The following SYN3 variants were observed in gnomAD, a reference collection of about 807,000 sequenced individuals.
The protein encoded by SYN3 is synapsin-3.
A neutral mutation model predicts 65.8 loss-of-function variants in SYN3; 35 were observed. That is an observed-to-expected ratio of 0.53 (90% confidence interval 0.41 to 0.70). The LOEUF (loss-of-function observed/expected upper bound fraction) is 0.70, where lower values mean the gene tolerates loss of function less well. Among genes scored for constraint, SYN3 ranks in the 30% least tolerant of loss-of-function variants. The pLI is 0.00. For synonymous variants in SYN3, 270 were observed against 292.9 expected (o/e 0.92, Z 0.80); for missense variants, 680 against 749.0 (o/e 0.91, Z 1.08).
At chr22:32,667,387 A>G (rs1269707351) in intron 6 of SYN3, among the ~76,000 whole-genome samples, 2 of 151,930 alleles carry the variant, frequency 1.3e-5, no homozygotes, top group Non-Finnish European at 2.9e-5. Context: ...TTTGACACTT[A>G]GTTTTTTTCA....
intron 4 of SYN3, among the ~76,000 whole-genome samples, chr22:32,890,458 G>T (rs952502879): frequency 4.0e-5 from 6 of 151,340 alleles, no homozygotes; most frequent in Non-Finnish European, 7.4e-5. Context: ...TTGGCTCATT[G>T]CAAGCTCCGC....
intron 6 of SYN3, among the ~76,000 whole-genome samples, chr22:32,604,715 T>C (rs1229869829): frequency 2.0e-5 from 3 of 152,168 alleles, no homozygotes; most frequent in African/African-American, 4.8e-5. Flanking sequence ...TTTAGAATTA[T>C]ACATTCATGA....
intron 9 of SYN3, among the ~76,000 whole-genome samples, chr22:32,537,460 G>A (rs112849823): frequency 0.051 from 7,807 of 152,176 alleles, 274 homozygotes; most frequent in East Asian, 0.11. Context: ...CACCCGGCCG[G>A]CACTTCCTTA....
chr22:33,034,170 A>G (rs1411826395), intron 1 of SYN3, among the ~76,000 whole-genome samples: 2 of 146,618 alleles, frequency 1.4e-5, no homozygotes, highest in African/African-American at 5.0e-5. Flanking sequence ...TAGGTGACAG[A>G]GCAAGACTCT....
chr22:32,742,986 AAAGT>A (rs576734150), intron 6 of SYN3, among the ~76,000 whole-genome samples: 2 of 152,222 alleles, frequency 1.3e-5, no homozygotes, highest in African/African-American at 4.8e-5. Context: ...GAAATCAGAG[AAAGT>A]AAGTAACTTA....
At chr22:32,834,993 C>T (rs2047687512) in intron 6 of SYN3, among the ~76,000 whole-genome samples, 1 of 152,242 alleles carries the variant, frequency 6.6e-6, no homozygotes, top group South Asian at 2.1e-4. Flanking sequence ...AGCCATGTGA[C>T]CTCCGACCTG....
chr22:32,959,865 G>A (rs1408020942), intron 3 of SYN3, among the ~76,000 whole-genome samples: 2 of 152,210 alleles, frequency 1.3e-5, no homozygotes, highest in Non-Finnish European at 2.9e-5. Flanking sequence ...AAAGTGCTGG[G>A]ATTACAGGCG....
intron 1 of SYN3, among the ~76,000 whole-genome samples, chr22:33,024,317 C>T (rs2053605684): frequency 1.3e-5 from 2 of 152,166 alleles, no homozygotes; most frequent in Admixed American, 1.3e-4. Flanking sequence ...AATATGCGCC[C>T]ATATCATCTG....
rs144245234 is a variant in SYN3, at chr22:32,523,812, G to A, written c.1318+4106C>T. Among the ~76,000 whole-genome samples, 24 of 152,350 alleles carry A rather than the reference G, an allele frequency of 1.6e-4. No homozygotes were observed. In the East Asian group the frequency reaches 3.5e-3, roughly 22 times the overall value. On this transcript the variant is annotated intron_variant, in intron 12 of 13. Transcript: ENST00000358763. The stretch of plus-strand genomic sequence containing the variant: ...AGACAAGCTGAAAATTAGGCCTCTT[G>A]CACCAGAAAGTTAGCTAAGTTGTGA...
intron 6 of SYN3, among the ~76,000 whole-genome samples, chr22:32,638,473 G>C (rs894030743): frequency 6.6e-6 from 1 of 152,172 alleles, no homozygotes; most frequent in Non-Finnish European, 1.5e-5. Flanking sequence ...ACCAACATCT[G>C]TTGTTTTTTG....
intron 2 of SYN3, among the ~76,000 whole-genome samples, chr22:32,997,134 C>T (rs1224392744): frequency 6.6e-6 from 1 of 152,154 alleles, no homozygotes; most frequent in Non-Finnish European, 1.5e-5. Flanking sequence ...GAGCCAGGTC[C>T]CAGATGTCAG....
chr22:32,792,288 C>A (rs902379732), intron 6 of SYN3, among the ~76,000 whole-genome samples: 2 of 152,180 alleles, frequency 1.3e-5, no homozygotes, highest in African/African-American at 4.8e-5. Flanking sequence ...TGGTTCCTAA[C>A]CTCCCTGTTG....
chr22:32,880,361 G>A (rs776387341), intron 4 of SYN3, among the ~76,000 whole-genome samples: 1 of 152,210 alleles, frequency 6.6e-6, no homozygotes, highest in Non-Finnish European at 1.5e-5. Flanking sequence ...GACGGTGGTA[G>A]CTCAAGGAAG....
intron 6 of SYN3, among the ~76,000 whole-genome samples, chr22:32,651,675 A>G (rs1479085081): frequency 1.3e-5 from 2 of 152,300 alleles, no homozygotes; most frequent in African/African-American, 2.4e-5. Flanking sequence ...AGGATGCTTT[A>G]GACATCTCAG....
chr22:32,988,544 A>ATAGC (rs1382845328), intron 2 of SYN3, among the ~76,000 whole-genome samples: 1 of 152,076 alleles, frequency 6.6e-6, no homozygotes, highest in Non-Finnish European at 1.5e-5. Context: ...CAAAGACAAC[A>ATAGC]TAGCTAGCTC....
intron 4 of SYN3, among the ~76,000 whole-genome samples, chr22:32,884,564 T>C (rs1167909251): frequency 6.6e-6 from 1 of 152,214 alleles, no homozygotes. Flanking sequence ...AACTTGTTTT[T>C]CTTCAAAGTA....
rs117604568 is a variant in SYN3, at chr22:32,719,784, G to A, written c.712-123048C>T. On this transcript the variant is annotated intron_variant, in intron 6 of 13. Coordinates refer to ENST00000358763, the MANE Select transcript of SYN3 (RefSeq NM_003490.4). ...GATGGCTTTAGCCTAGGAGTTTGAG[G>A]TTATAGTGAGCTATGACTGCAGCCA... is the stretch of plus-strand genomic sequence containing the variant. 3.8e-3 allele frequency among the ~76,000 whole-genome samples: 576 copies of A among 152,256 alleles called. 2 individuals are homozygous for A. Among genetic ancestry groups the A allele is most frequent in the African/African-American group, 0.013 (554 of 41,548 alleles).
At chr22:32,807,901 C>A (rs970955328) in intron 6 of SYN3, among the ~76,000 whole-genome samples, 19 of 151,950 alleles carry the variant, frequency 1.3e-4, no homozygotes, top group African/African-American at 4.6e-4. Flanking sequence ...ATGTTAGAGC[C>A]CTGTGCTTAA....
At position 32,782,663 on chromosome 22, in the gene SYN3, G is replaced by A. The variant is rs527602247; in HGVS notation, c.711+82252C>T. On this transcript the variant is annotated intron_variant, in intron 6 of 13. Transcript: ENST00000358763. ...TTCCCGAGTAGCTGGGACCACAGGC[G>A]CACACCACCACAGCCGGCTAATTTT... is the stretch of plus-strand genomic sequence containing the variant. 6.3e-4 allele frequency among the ~76,000 whole-genome samples: 96 copies of A among 152,010 alleles called. 1 individual carries two copies. The highest frequency in any genetic ancestry group is 2.6e-3 in the Admixed American group (40 of 15,254).
Sources: gnomAD v4.1 joint callset for allele counts (sites outside exome capture counted in the v4.1 genomes callset) on GRCh38, gnomAD v4.1.1 for gene constraint, MANE v1.5 for transcripts, NCBI Gene and HGNC (gene_info 2026-07-23, HGNC 2026-07-21) for gene names.